The following SAMD4B variants were observed in gnomAD, a reference collection of about 807,000 sequenced individuals.
The protein encoded by SAMD4B is sterile alpha motif domain containing 4B, also known as protein Smaug homolog 2.
SAMD4B carries 5 observed loss-of-function variants against 74.5 expected under a neutral mutation model. That is an observed-to-expected ratio of 0.07 (90% CI 0.04 to 0.14). The LOEUF is 0.14. SAMD4B is among the 10% of genes least tolerant of loss of function. The pLI is 1.00. For synonymous variants in SAMD4B, 373 were observed against 374.9 expected, an observed-to-expected ratio of 1.00 and a Z score of 0.06; for missense variants, 608 against 921.8, an observed-to-expected ratio of 0.66 and a Z score of 4.41.
chr19:39,357,554 T>C (rs992144991), intron 3 of SAMD4B, among the ~76,000 whole-genome samples: 1 of 152,212 alleles, frequency 6.6e-6, no homozygotes, highest in Non-Finnish European at 1.5e-5. Flanking sequence ...CCAGAAAGTT[T>C]TGAATTTAGA....
downstream of SAMD4B, chr19:39,389,207 G>A (rs1429256886): frequency 1.2e-6 from 2 of 1,612,828 alleles, no homozygotes; most frequent in Non-Finnish European, 8.5e-7. The surrounding 1 kb of genome is among the most constrained non-coding windows in gnomAD (Gnocchi z 5.3). Flanking sequence ...TCCTAGGAAT[G>A]AAGAAAAAGG....
intron 2 of SAMD4B, among the ~76,000 whole-genome samples, chr19:39,354,982 C>T (rs971005848): frequency 2.0e-5 from 3 of 152,152 alleles, no homozygotes; most frequent in Admixed American, 6.5e-5. Context: ...AAGCGATTAT[C>T]GTCCCTCAGC....
At chr19:39,389,937 A>G (rs2078337297), downstream of SAMD4B, 1 of 1,072,752 alleles carries the variant, frequency 9.3e-7, no homozygotes, top group East Asian at 2.4e-5. This position sits in a 1 kb window ranked among gnomAD's most constrained non-coding sequence, Gnocchi z 5.3. Flanking sequence ...CTCCATTAAC[A>G]ATTGAGCAGC....
chr19:39,380,890 G>T (rs1337368871), intron 11 of SAMD4B, 100 bp from the exon 12 acceptor site: 3 of 1,518,086 alleles, frequency 2.0e-6, no homozygotes, highest in Non-Finnish European at 1.8e-6. Flanking sequence ...CTTAGAGGTG[G>T]CGGGGGTGGG....
At chr19:39,347,311 A>C (rs1317293644) in intron 1 of SAMD4B, among the ~76,000 whole-genome samples, 1 of 152,210 alleles carries the variant, frequency 6.6e-6, no homozygotes, top group Non-Finnish European at 1.5e-5. Context: ...TCCCAGTTTG[A>C]AAATAGTTTC....
intron 1 of SAMD4B, among the ~76,000 whole-genome samples, chr19:39,343,695 C>A (rs2075487728): frequency 6.6e-6 from 1 of 151,896 alleles, no homozygotes; most frequent in Non-Finnish European, 1.5e-5. Context: ...TGCCTGAAAT[C>A]TCCAGAGGAC....
At position 39,378,357 on chromosome 19, in the gene SAMD4B, A is replaced by C. The variant is rs772908280; in HGVS notation, c.1445-147A>C. 5.4e-5 allele frequency: 35 copies of C among 646,786 alleles called. No individual in the cohort carries two copies. The highest frequency in any genetic ancestry group is 9.3e-5 in the Non-Finnish European group (34 of 364,672). 40.1% of individuals were successfully genotyped at this position (646,786 alleles called of 1,614,324 possible). On this transcript the variant is annotated intron_variant, in intron 8 of 13. Transcript: ENST00000610417. This position sits in a 1 kb window ranked among gnomAD's most constrained non-coding sequence, Gnocchi z 4.4. ...CACTATGTTGTATATCCTCATGATA[A>C]CCCAAATACCATGGCTAGCACTTAA...
downstream of SAMD4B, chr19:39,389,504 A>G: frequency 6.2e-7 from 1 of 1,614,130 alleles, no homozygotes; most frequent in Non-Finnish European, 8.5e-7. This position sits in a 1 kb window ranked among gnomAD's most constrained non-coding sequence, Gnocchi z 5.3. Flanking sequence ...GGGGGCCTGA[A>G]TCTCCTCTTC....
chr19:39,390,575 G>C (rs2078358554), downstream of SAMD4B, among the ~76,000 whole-genome samples: 1 of 152,178 alleles, frequency 6.6e-6, no homozygotes, highest in Non-Finnish European at 1.5e-5. Context: ...AATCGTCTTC[G>C]GAAGAGGGGT....
At chr19:39,369,367 T>TC in intron 3 of SAMD4B, 1 of 420,190 alleles carries the variant, frequency 2.4e-6, no homozygotes, top group Admixed American at 4.0e-5. Flanking sequence ...AGGTCAAAAC[T>TC]CCCGTGCTGA....
At chr19:39,358,423 TG>T (rs1324913687) in intron 3 of SAMD4B, among the ~76,000 whole-genome samples, 3 of 152,132 alleles carry the variant, frequency 2.0e-5, no homozygotes, top group Non-Finnish European at 2.9e-5. Flanking sequence ...GGCTAATTTT[TG>T]TATGTTTAGT....
chr19:39,387,209 C>T (rs545973046), downstream of SAMD4B: 121 of 435,832 alleles, frequency 2.8e-4, 2 homozygotes, highest in South Asian at 2.1e-3. Flanking sequence ...GGTTGTACAG[C>T]ATGTGACTGT....
chr19:39,389,073 C>T (rs533639532), downstream of SAMD4B: 6 of 1,612,120 alleles, frequency 3.7e-6, no homozygotes, highest in East Asian at 6.7e-5. This position sits in a 1 kb window ranked among gnomAD's most constrained non-coding sequence, Gnocchi z 5.3. Context: ...TGCCTCTCCC[C>T]ATCCCAGTCC....
chr19:39,388,266 A>G (rs1452793954), downstream of SAMD4B: 27 of 1,489,760 alleles, frequency 1.8e-5, no homozygotes, highest in East Asian at 4.5e-5. Context: ...ATGACCTCCA[A>G]GGTGGCTCTT....
chr19:39,354,510 A>G (rs2076231202), intron 2 of SAMD4B, among the ~76,000 whole-genome samples: 1 of 152,120 alleles, frequency 6.6e-6, no homozygotes, highest in Admixed American at 6.5e-5. Context: ...CTATTTATTT[A>G]TTCAATAAAT....
At position 39,380,027 on chromosome 19, in the gene SAMD4B, T is replaced by C. The variant is rs1489425446; in HGVS notation, c.1592T>C (p.Leu531Pro). Residue 531 changes from leucine to proline, a missense_variant, in exon 10 of 14, where the codon CTC becomes CCC. Physicochemically the swap from Leu to Pro is moderately conservative, Grantham distance 98. This residue lies in a region of SAMD4B where 167 missense variants were observed against 193.0 expected (regional missense o/e 0.87). Transcript: ENST00000610417. ...LSWKQQVLKL[L>P]RTFPRKAALE... ...TGGAAACAGCAAGTGCTGAAGCTCC[T>C]CCGGACATTCCCGCGCAAAGCCGCA... The C allele has an allele frequency of 6.2e-7, 1 of 1,613,908 alleles. No homozygotes were observed. Among genetic ancestry groups the C allele is most frequent in the East Asian group, 2.2e-5 (1 of 44,880 alleles).
At chr19:39,380,527 G>A in intron 10 of SAMD4B, 60 bp from the exon 11 acceptor site, 1 of 1,559,228 alleles carries the variant, frequency 6.4e-7, no homozygotes, top group Non-Finnish European at 8.8e-7. Context: ...AGGTGAGGAA[G>A]GGGTGGACAG....
rs2078150479 is a variant in SAMD4B at position 39,383,817 on chromosome 19, C to G, written c.*290C>G. 1 of 1,134,556 alleles carries G rather than the reference C, an allele frequency of 8.8e-7. No individual in the cohort carries two copies. The highest frequency in any genetic ancestry group is 1.3e-6 in the Non-Finnish European group (1 of 799,306). 70.3% of individuals were successfully genotyped at this position (1,134,556 alleles called of 1,614,324 possible). A position where few individuals can be genotyped will look rare whatever the true frequency, so the allele number is the denominator to read the frequency against. Reference sequence around the variant, plus strand: ...CTCTCCTTTCCTTCCTCATCCCCACCTGGTCCCATCCCACCCCTGCCTCCT... The same window carrying G: ...CTCTCCTTTCCTTCCTCATCCCCACGTGGTCCCATCCCACCCCTGCCTCCT... On this transcript the variant is annotated 3_prime_UTR_variant, in exon 14 of 14. Coordinates refer to ENST00000610417, the MANE Select transcript of SAMD4B (RefSeq NM_001384574.2). This position sits in a 1 kb window ranked among gnomAD's most constrained non-coding sequence, Gnocchi z 4.1.
chr19:39,349,536 T>C (rs966982993), intron 1 of SAMD4B, among the ~76,000 whole-genome samples: 4 of 152,190 alleles, frequency 2.6e-5, no homozygotes, highest in Admixed American at 6.5e-5. Context: ...GTGGTGTACA[T>C]GTTTTGTGTA....
Sources: allele counts gnomAD v4.1 joint callset (sites outside exome capture counted in the v4.1 genomes callset), GRCh38; gene constraint gnomAD v4.1.1; regional missense constraint gnomAD v4.1.1; non-coding constraint Gnocchi (gnomAD v3.1); transcripts MANE v1.5; gene names NCBI Gene and HGNC (gene_info 2026-07-23, HGNC 2026-07-21).